GGT5: variants seen among roughly 807,000 people sequenced by gnomAD.
The protein encoded by GGT5 is gamma-glutamyltransferase 5, also known as glutathione hydrolase 5 proenzyme.
In GGT5, 50 loss-of-function variants were observed where a neutral mutation model predicts 58.1. The ratio of observed to expected loss-of-function variants is 0.86; its 90% CI spans 0.69 to 1.09. The LOEUF (loss-of-function observed/expected upper bound fraction) is 1.09, where lower values mean the gene tolerates loss of function less well. Ranked by LOEUF, GGT5 falls within the 50% of genes least tolerant of loss-of-function variation. The pLI is 0.00. For synonymous variants in GGT5, 370 were observed against 346.1 expected (o/e 1.07, Z -0.77); for missense variants, 800 against 789.4 (o/e 1.01, Z -0.16).
chr22:24,219,729 A>G lies in GGT5; in HGVS notation c.*241T>C, dbSNP rs558899006. The G allele has an allele frequency of 7.9e-5, 42 of 533,312 alleles. No individual in the cohort carries two copies. Among genetic ancestry groups the G allele is most frequent in the South Asian group, 6.5e-4 (27 of 41,460 alleles). The allele number at this position is 533,312 out of a possible 1,614,324, so 33.0% of individuals were successfully genotyped here. A position where few individuals can be genotyped will look rare whatever the true frequency, so the allele number is the denominator to read the frequency against. On this transcript the variant is annotated 3_prime_UTR_variant, in exon 12 of 12. Coordinates refer to ENST00000327365, the MANE Select transcript of GGT5 (RefSeq NM_004121.5). ...AGAGGGTGGGAGAGTGGCCCCAGGC[A>G]AGAGGCCTGCGGAGGGATAGAGGGG...
chr22:24,223,271 G>A (rs1287373297), intron 11 of GGT5, among the ~76,000 whole-genome samples: 2 of 151,974 alleles, frequency 1.3e-5, no homozygotes, highest in East Asian at 1.9e-4. Context: ...GTGTGGTGGC[G>A]CACATGTGTA....
In GGT5 at chr22:24,232,189, TC is replaced by T. The variant is rs759868357; in HGVS notation, c.615del (p.Thr206GlnfsTer4). The T allele has an allele frequency of 1.2e-6, 1 of 823,708 alleles. No homozygotes were observed. Among genetic ancestry groups the T allele is most frequent in the East Asian group, 4.7e-5 (1 of 21,170 alleles). The allele number at this position is 823,708 out of a possible 1,614,324, so 51.0% of individuals were successfully genotyped here. ...ASTLRQLFFN[G>X]TEPLRPQDPL... The stretch of plus-strand genomic sequence containing the variant: ...GGGTCCTGAGGCCTCAGGGGTTCTG[TC>T]CCGTTGAAGAAGAGCTGGCTGGGGG... On this transcript the variant is annotated frameshift_variant, in exon 5 of 12. Transcript: ENST00000327365. LOFTEE classifies it high-confidence loss of function.
In GGT5 at chr22:24,232,964, C is replaced by G. The variant is rs769780589; in HGVS notation, c.455G>C (p.Arg152Pro). 6.4e-7 allele frequency: 1 copy of G among 1,561,056 alleles called. No individual in the cohort carries two copies. The highest frequency in any genetic ancestry group is 8.7e-7 in the Non-Finnish European group (1 of 1,153,366). ...CGCCCAGGGCAGGCGGCCATGGCGGCGGTGGGCCTCGGCATAGCCACGGAG... is the reference window on the plus strand; with the variant it reads ...CGCCCAGGGCAGGCGGCCATGGCGGGGGTGGGCCTCGGCATAGCCACGGAG... ...GELRGYAEAH[R>P]RHGRLPWAQL... Residue 152 changes from arginine (R) to proline (P), a missense_variant, in exon 4 of 12, where the codon CGC becomes CCC. Coordinates refer to ENST00000327365, the MANE Select transcript of GGT5 (RefSeq NM_004121.5).
intron 2 of GGT5, 133 bp downstream of exon 2, chr22:24,233,741 G>C (rs1414037852): frequency 4.2e-6 from 4 of 954,774 alleles, no homozygotes; most frequent in Non-Finnish European, 6.5e-6. Flanking sequence ...GCACAGCTGA[G>C]GCAAATGGGG....
Position 24,226,006 on chromosome 22 carries a change from TG to T in GGT5, c.1229+69del, listed in dbSNP as rs1243236781. 3.6e-6 allele frequency: 4 copies of T among 1,119,990 alleles called. No individual in the cohort carries two copies. The East Asian group carries it at 7.8e-5, about 22-fold the overall frequency. 69.4% of individuals were successfully genotyped at this position (1,119,990 alleles called of 1,614,324 possible). On this transcript the variant is annotated intron_variant, in intron 8 of 11. Transcript: ENST00000327365. ...CCCCGTGGGGACAAGTGAGGGGACATGGGGCTGGGGGTGTGCAGGTCTAGGA... is the reference window on the plus strand; with the variant it reads ...CCCCGTGGGGACAAGTGAGGGGACATGGGCTGGGGGTGTGCAGGTCTAGGA...
chr22:24,221,968 C>T (rs2047602598), intron 11 of GGT5, among the ~76,000 whole-genome samples: 1 of 151,744 alleles, frequency 6.6e-6, no homozygotes, highest in Admixed American at 6.6e-5. Flanking sequence ...CACCTGAGGT[C>T]AGGAGTTTGA....
At position 24,244,541 on chromosome 22, in the gene GGT5, C is replaced by T. The variant is rs1338599203; in HGVS notation, c.173+12G>A. 1.2e-6 allele frequency: 2 copies of T among 1,607,846 alleles called. No homozygotes were observed. The highest frequency in any genetic ancestry group is 2.2e-5 in the East Asian group (1 of 44,800). The stretch of plus-strand genomic sequence containing the variant: ...CCAAGGGCCACCCAGCTTCCTCCCA[C>T]GTCTCACTCACCGTCCAATATCCGA... On this transcript the variant is annotated intron_variant, in intron 1 of 11. Coordinates refer to ENST00000327365, the MANE Select transcript of GGT5 (RefSeq NM_004121.5).
rs746215567 is a variant in GGT5 at position 24,233,905 on chromosome 22, C to A, written c.273G>T (p.Gly91=). 2 of 1,613,600 alleles carry A rather than the reference C, an allele frequency of 1.2e-6. No individual in the cohort carries two copies. Among genetic ancestry groups the A allele is most frequent in the Non-Finnish European group, 1.7e-6 (2 of 1,179,690 alleles). Residue 91 remains glycine, a synonymous_variant, in exon 2 of 12, where the codon GGG becomes GGT. Transcript: ENST00000327365. ...TCACATTGTAGATGGTGAAGATGAC[C>A]CCTCCGCCCAGGCCCATGCTCTGAG... ...VNPQSMGLGG[G]VIFTIYNVTT...
intron 6 of GGT5, among the ~76,000 whole-genome samples, chr22:24,228,715 G>T (rs1410672386): frequency 6.6e-6 from 1 of 152,066 alleles, no homozygotes; most frequent in East Asian, 1.9e-4. Context: ...CTCCCAAAGT[G>T]CTGGGATTAC....
At chr22:24,232,648 T>C (rs768818485) in intron 4 of GGT5, among the ~76,000 whole-genome samples, 175 bp downstream of exon 4, 9 of 152,126 alleles carry the variant, frequency 5.9e-5, no homozygotes, top group Non-Finnish European at 1.3e-4. Flanking sequence ...AACCCCAAGT[T>C]AGGCTCTGCC....
chr22:24,235,050 CT>C (rs71189232), intron 1 of GGT5, among the ~76,000 whole-genome samples: 363 of 75,646 alleles, frequency 4.8e-3, no homozygotes, highest in African/African-American at 0.014. Context: ...AAGAAGCCAG[CT>C]TTTTTTTTTT....
chr22:24,227,155 G>A (rs2047793524), intron 6 of GGT5, among the ~76,000 whole-genome samples: 1 of 150,214 alleles, frequency 6.7e-6, no homozygotes, highest in African/African-American at 2.5e-5. Context: ...TCGCCATGTT[G>A]TTCAGGCTGG....
At chr22:24,226,382 T>A in intron 7 of GGT5, 116 bp from the exon 8 acceptor site, 6 of 838,074 alleles carry the variant, frequency 7.2e-6, no homozygotes, top group Non-Finnish European at 1.1e-5. Context: ...CTCTACCTTG[T>A]GGCCAGGTCT....
In GGT5 at chr22:24,220,053, C is replaced by T. The variant is rs768238360; in HGVS notation, c.1678G>A (p.Val560Met). 3.1e-6 allele frequency: 5 copies of T among 1,613,924 alleles called. No individual in the cohort carries two copies. Among genetic ancestry groups the T allele is most frequent in the Non-Finnish European group, 4.2e-6 (5 of 1,179,794 alleles). The change falls in exon 12 of 12, where the codon GTG becomes ATG. Residue 560 changes from valine to methionine, a missense_variant. Val to Met is a conservative substitution (Grantham distance 21). Coordinates refer to ENST00000327365, the MANE Select transcript of GGT5 (RefSeq NM_004121.5). ...NQTQRPFFLN[V>M]VQAVSQEGAC... is the part of the protein sequence containing the mutation. ...CCCTCCTGGGACACAGCCTGGACCACGTTCAGGAAGAAGGGCCTCTGGGTC... is the reference window on the plus strand; with the variant it reads ...CCCTCCTGGGACACAGCCTGGACCATGTTCAGGAAGAAGGGCCTCTGGGTC...
chr22:24,230,354 TGA>T (rs918187656), intron 6 of GGT5, among the ~76,000 whole-genome samples: 3 of 148,538 alleles, frequency 2.0e-5, no homozygotes, highest in African/African-American at 7.5e-5. Flanking sequence ...GGTGACAGAT[TGA>T]GACTCTGTCT....
intron 8 of GGT5, 130 bp downstream of exon 8, chr22:24,225,946 T>C (rs993388281): frequency 5.9e-6 from 4 of 680,614 alleles, no homozygotes; most frequent in African/African-American, 3.6e-5. Context: ...TCTTTTGAAA[T>C]AGAGGAGGAG....
chr22:24,219,944 A>C lies in GGT5; in HGVS notation c.*26T>G. 1.2e-6 allele frequency: 2 copies of C among 1,611,498 alleles called. No individual in the cohort carries two copies. The highest frequency in any genetic ancestry group is 8.5e-7 in the Non-Finnish European group (1 of 1,178,112). On this transcript the variant is annotated 3_prime_UTR_variant, in exon 12 of 12. Transcript: ENST00000327365. ...GACACAGGACTCATGGTGGGGCCAG[A>C]CTTCAGCTCTGGGCAGAGCAGTGTC...
chr22:24,232,362 C>G (rs2047971237), intron 4 of GGT5, among the ~76,000 whole-genome samples, 154 bp from the exon 5 acceptor site: 1 of 152,162 alleles, frequency 6.6e-6, no homozygotes, highest in Non-Finnish European at 1.5e-5. Flanking sequence ...GGAACTGATT[C>G]TCTAGGAGGT....
In GGT5 at chr22:24,231,464, G is replaced by A. The variant is rs1300526138; in HGVS notation, c.821C>T (p.Pro274Leu). 6.3e-7 allele frequency: 1 copy of A among 1,574,814 alleles called. No homozygotes were observed. Among genetic ancestry groups the A allele is most frequent in the East Asian group, 2.4e-5 (1 of 42,488 alleles). The change falls in exon 6 of 12, where the codon CCC becomes CTC. Residue 274 changes from proline (P) to leucine (L), a missense_variant. Physicochemically the swap from Pro to Leu is moderately conservative, Grantham distance 98. Transcript: ENST00000327365. The stretch of plus-strand genomic sequence containing the variant: ...TGAGTACAGGGTATAGTCCCCCAGG[G>A]GCACCTCCAGGGCATCCACCACCTC... ...QPEVVDALEVPLGDYTLYSPP... is the reference protein window; with the variant it reads ...QPEVVDALEVLLGDYTLYSPP...
Sources: allele counts gnomAD v4.1 joint callset (sites outside exome capture counted in the v4.1 genomes callset), GRCh38; gene constraint gnomAD v4.1.1; transcripts MANE v1.5; gene names NCBI Gene and HGNC (gene_info 2026-07-23, HGNC 2026-07-21).